ADAMTSL1: variants seen among roughly 807,000 people sequenced by gnomAD.
ADAMTSL1 encodes ADAMTS like 1, also known as ADAMTS-like protein 1.
A neutral mutation model predicts 201.8 loss-of-function variants in ADAMTSL1; 126 were observed. That is an observed-to-expected ratio of 0.62 (90% confidence interval 0.54 to 0.72). The LOEUF (loss-of-function observed/expected upper bound fraction) is 0.72. Among genes scored for constraint, ADAMTSL1 ranks in the 30% least tolerant of loss-of-function variants. The pLI, the probability that ADAMTSL1 is intolerant of heterozygous loss-of-function variation, is 0.00. For synonymous variants in ADAMTSL1, 1,121 were observed against 903.4 expected, an observed-to-expected ratio of 1.24 and a Z score of -4.32; for missense variants, 2,679 against 2,277.8, an observed-to-expected ratio of 1.18 and a Z score of -3.59.
intron 1 of ADAMTSL1, among the ~76,000 whole-genome samples, chr9:18,090,257 C>G (rs1823949700): frequency 6.6e-6 from 1 of 151,946 alleles, no homozygotes; most frequent in Non-Finnish European, 1.5e-5. Flanking sequence ...GGTATAAACA[C>G]AAAAGAATTG....
At chr9:18,706,687 C>T in intron 13 of ADAMTSL1, 60 bp from the exon 14 acceptor site, 1 of 1,493,988 alleles carries the variant, frequency 6.7e-7, no homozygotes, top group Non-Finnish European at 9.0e-7. Context: ...CCCTCACAGC[C>T]CCCATGGCTT....
At chr9:18,307,434 G>A (rs112270539) in intron 2 of ADAMTSL1, among the ~76,000 whole-genome samples, 6,565 of 152,112 alleles carry the variant, frequency 0.043, 463 homozygotes, top group African/African-American at 0.15. Flanking sequence ...TCGGTGTGCC[G>A]TATTCAGGAA....
chr9:18,360,644 G>A (rs1424079887), intron 2 of ADAMTSL1: 1 of 152,104 alleles, frequency 6.6e-6, no homozygotes, highest in African/African-American at 2.4e-5. Context: ...CTTCAAAGTG[G>A]GGCAGTTGCA....
chr9:18,091,802 G>A (rs1824031797), intron 1 of ADAMTSL1, among the ~76,000 whole-genome samples: 2 of 152,008 alleles, frequency 1.3e-5, no homozygotes, highest in South Asian at 4.2e-4. Context: ...CCATCTAGTA[G>A]CAAGAGAGTC....
At chr9:18,505,045 T>C (rs1823052636) in intron 2 of ADAMTSL1, 89 bp downstream of exon 2, 1 of 1,464,702 alleles carries the variant, frequency 6.8e-7, no homozygotes, top group Non-Finnish European at 9.1e-7. Flanking sequence ...TGGAGAACAT[T>C]TTGTGGCTTA....
intron 2 of ADAMTSL1, among the ~76,000 whole-genome samples, chr9:18,517,525 G>A (rs149316103): frequency 1.5e-4 from 22 of 150,878 alleles, no homozygotes; most frequent in Admixed American, 1.3e-4. Context: ...CCACGAACTC[G>A]TCATCTAGCA....
At chr9:18,789,484 G>C (rs1283421436) in intron 19 of ADAMTSL1, among the ~76,000 whole-genome samples, 1 of 152,076 alleles carries the variant, frequency 6.6e-6, no homozygotes, top group Non-Finnish European at 1.5e-5. Context: ...GCTATATTGT[G>C]GATATGATCA....
At chr9:18,006,377 A>C (rs1288565464) in intron 1 of ADAMTSL1, among the ~76,000 whole-genome samples, 1 of 152,012 alleles carries the variant, frequency 6.6e-6, no homozygotes, top group East Asian at 1.9e-4. Context: ...CAGCTCACTA[A>C]GTTCCTGACA....
intron 23 of ADAMTSL1, among the ~76,000 whole-genome samples, chr9:18,878,524 T>C (rs1828315523): frequency 6.6e-6 from 1 of 152,232 alleles, no homozygotes; most frequent in Non-Finnish European, 1.5e-5. Flanking sequence ...TCTCAGCTCC[T>C]GGTAAGGTCA....
intron 2 of ADAMTSL1, among the ~76,000 whole-genome samples, chr9:18,219,572 T>A (rs1039079222): frequency 6.6e-6 from 1 of 152,054 alleles, no homozygotes; most frequent in African/African-American, 2.4e-5. Flanking sequence ...TTTCACCACA[T>A]TGGCCAGGCT....
At chr9:18,408,664 G>C (rs573182124) in intron 2 of ADAMTSL1, among the ~76,000 whole-genome samples, 3 of 152,096 alleles carry the variant, frequency 2.0e-5, no homozygotes, top group Non-Finnish European at 4.4e-5. Flanking sequence ...AGTATGTTCA[G>C]TTCTGTCTCA....
intron 19 of ADAMTSL1, among the ~76,000 whole-genome samples, chr9:18,791,876 G>A (rs1339450502): frequency 5.9e-5 from 9 of 152,120 alleles, no homozygotes; most frequent in Admixed American, 5.9e-4. Flanking sequence ...CCTCTGTGAT[G>A]GATCACCTCC....
intron 2 of ADAMTSL1, among the ~76,000 whole-genome samples, chr9:18,300,949 C>G (rs1219790516): frequency 1.3e-5 from 2 of 151,934 alleles, no homozygotes. Flanking sequence ...GGAAAATTGC[C>G]TATAGGTTCA....
chr9:18,004,161 C>T (rs1201458312), intron 1 of ADAMTSL1, among the ~76,000 whole-genome samples: 3 of 151,572 alleles, frequency 2.0e-5, no homozygotes, highest in Non-Finnish European at 4.4e-5. Context: ...TTTCAGCTAG[C>T]AATAAAAGGG....
In ADAMTSL1 at chr9:18,566,936, G is replaced by A. The variant is rs1821939617; in HGVS notation, c.238-7094G>A. Among the ~76,000 whole-genome samples, 3 of 152,278 alleles carry A rather than the reference G, an allele frequency of 2.0e-5. No homozygotes were observed. The South Asian group carries it at 6.2e-4, about 32-fold the overall frequency. On this transcript the variant is annotated intron_variant, in intron 3 of 28. Coordinates refer to ENST00000380548, the MANE Select transcript of ADAMTSL1 (RefSeq NM_001040272.6). ...TTTTTGTGTATAGAAAAATAGTTCT[G>A]ATGGATTGGATATGGAAGTCAAATA... is the stretch of plus-strand genomic sequence containing the variant.
intron 13 of ADAMTSL1, among the ~76,000 whole-genome samples, chr9:18,704,049 C>G (rs1231943490): frequency 6.6e-6 from 1 of 152,044 alleles, no homozygotes; most frequent in African/African-American, 2.4e-5. Context: ...TGAGGATTAT[C>G]TATAGATCTC....
rs117239053 is a variant in ADAMTSL1, at chr9:18,110,426, G to T, written c.88-53436G>T. On this transcript the variant is annotated intron_variant, in intron 1 of 29. Transcript: ENST00000680146. Reference sequence around the variant, plus strand: ...GAATCTCCATAATTCAGGCCACCAGGGTCTATGACTGAAATTAGCATTCTC... The same window carrying T: ...GAATCTCCATAATTCAGGCCACCAGTGTCTATGACTGAAATTAGCATTCTC... Among the ~76,000 whole-genome samples, 907 of 152,130 alleles carry T rather than the reference G, an allele frequency of 6.0e-3. 3 individuals are homozygous for T. Among genetic ancestry groups the T allele is most frequent in the Non-Finnish European group, 8.7e-3 (594 of 67,994 alleles).
intron 1 of ADAMTSL1, among the ~76,000 whole-genome samples, chr9:17,944,579 A>G (rs1827378088): frequency 6.7e-6 from 1 of 148,604 alleles, no homozygotes; most frequent in Non-Finnish European, 1.5e-5. Context: ...ACAAGGCTAC[A>G]GTAACCAAAA....
intron 2 of ADAMTSL1, among the ~76,000 whole-genome samples, chr9:18,276,056 A>G (rs1832574483): frequency 6.6e-6 from 1 of 152,106 alleles, no homozygotes; most frequent in Non-Finnish European, 1.5e-5. Context: ...TTTATCTGAT[A>G]CAGGTTTAGC....
Sources: gnomAD v4.1 joint callset for allele counts (sites outside exome capture counted in the v4.1 genomes callset) on GRCh38, gnomAD v4.1.1 for gene constraint, MANE v1.5 for transcripts, NCBI Gene and HGNC (gene_info 2026-07-23, HGNC 2026-07-21) for gene names.